The following HUS1 variants were observed in gnomAD, a reference collection of about 807,000 sequenced individuals.
The protein encoded by HUS1 is HUS1 checkpoint clamp component.
HUS1 carries 31 observed loss-of-function variants against 32.6 expected under a neutral mutation model. The ratio of observed to expected loss-of-function variants is 0.95; its 90% CI spans 0.72 to 1.28. HUS1 has a LOEUF of 1.28. HUS1 is among the 50% of genes most tolerant of loss of function. The pLI is 0.00. For missense variants in HUS1, 340 were observed against 337.7 expected (o/e 1.01, Z -0.05); for synonymous variants, 123 against 116.6 (o/e 1.06, Z -0.36).
chr7:47,971,225 GA>G (rs1788593526), intron 5 of HUS1: 3 of 230,290 alleles, frequency 1.3e-5, no homozygotes, highest in East Asian at 1.2e-4. Context: ...AGAATCTCAT[GA>G]GAACATAGCC....
intron 5 of HUS1, among the ~76,000 whole-genome samples, chr7:47,970,903 C>A (rs557342408): frequency 3.9e-5 from 6 of 152,166 alleles, no homozygotes; most frequent in Non-Finnish European, 7.3e-5. Flanking sequence ...AAATCCTATT[C>A]CTGTGAGTCC....
chr7:47,976,871 T>C lies in HUS1; in HGVS notation c.358-34A>G, dbSNP rs189041538. On this transcript the variant is annotated intron_variant, in intron 3 of 7. Transcript: ENST00000258774. Reference sequence around the variant, plus strand: ...AAAAGAATTTAAAAATATTTTTATGTTGTTAATATTAAGCAACAACAAAAC... The same window carrying C: ...AAAAGAATTTAAAAATATTTTTATGCTGTTAATATTAAGCAACAACAAAAC... 330 of 1,415,814 alleles carry C rather than the reference T, an allele frequency of 2.3e-4. 1 individual carries two copies. In the African/African-American group the frequency reaches 3.5e-3, roughly 15 times the overall value. The allele number at this position is 1,415,814 out of a possible 1,614,324, so 87.7% of individuals were successfully genotyped here. A position where few individuals can be genotyped will look rare whatever the true frequency, so the allele number is the denominator to read the frequency against.
rs1186632630 is a variant in HUS1 at position 47,965,175 on chromosome 7, A to G, written c.*181T>C. 1 of 505,504 alleles carries G rather than the reference A, an allele frequency of 2.0e-6. No individual in the cohort carries two copies. 31.3% of individuals were successfully genotyped at this position (505,504 alleles called of 1,614,324 possible). ...AAACAGACATGAGCAACATGAAGTG[A>G]TATGTTTATCCAACTGTGTGTTGTT... is the stretch of plus-strand genomic sequence containing the variant. On this transcript the variant is annotated 3_prime_UTR_variant, in exon 8 of 8. Transcript: ENST00000258774.
intron 5 of HUS1, among the ~76,000 whole-genome samples, chr7:47,974,359 T>TGGA (rs3176540): frequency 0.8 from 121,259 of 151,750 alleles, 49,024 homozygotes; most frequent in East Asian, 0.98. Context: ...CTCAGCTCCA[T>TGGA]GGAGGAGCTT....
At chr7:47,976,593 CA>C in intron 4 of HUS1, 136 bp downstream of exon 4, 1 of 675,538 alleles carries the variant, frequency 1.5e-6, no homozygotes, top group Non-Finnish European at 2.7e-6. Flanking sequence ...ATGTAAATAA[CA>C]AAAGGCAAAT....
intron 7 of HUS1, among the ~76,000 whole-genome samples, chr7:47,967,286 C>G (rs1305484141): frequency 1.3e-5 from 2 of 152,094 alleles, no homozygotes; most frequent in Non-Finnish European, 2.9e-5. Context: ...TGTGTGACCT[C>G]ACAAGATGGG....
rs187213187 is a variant in HUS1, at chr7:47,977,022, A to C, written c.358-185T>G. Among the ~76,000 whole-genome samples, 11 of 144,890 alleles carry C rather than the reference A, an allele frequency of 7.6e-5. No individual in the cohort carries two copies. In the East Asian group the frequency reaches 2.3e-3, roughly 30 times the overall value. ...AATATTTATGGAACAGACTCTGGGT[A>C]CTTCCAGGAACTGGGAAGTGTGGTG... is the stretch of plus-strand genomic sequence containing the variant. On this transcript the variant is annotated intron_variant, in intron 3 of 7. Coordinates refer to ENST00000258774, the MANE Select transcript of HUS1 (RefSeq NM_004507.4).
chr7:47,972,826 T>C (rs1486858044), intron 5 of HUS1, among the ~76,000 whole-genome samples: 1 of 152,170 alleles, frequency 6.6e-6, no homozygotes, highest in Non-Finnish European at 1.5e-5. Context: ...CTGGTTTCTA[T>C]CATTAGGTGA....
chr7:47,971,512 G>A (rs1187826402), intron 5 of HUS1: 1 of 456,676 alleles, frequency 2.2e-6, no homozygotes, highest in Non-Finnish European at 4.4e-6. Context: ...TTAATTGGAT[G>A]GAACCTAGAA....
At chr7:47,966,675 A>G (rs1181686717) in intron 7 of HUS1, among the ~76,000 whole-genome samples, 2 of 152,306 alleles carry the variant, frequency 1.3e-5, no homozygotes, top group East Asian at 1.9e-4. Flanking sequence ...GTCCCTTTAC[A>G]TGACCTTCAG....
In HUS1 at chr7:47,964,546, C is replaced by T. The variant is rs1788436351; in HGVS notation, c.*810G>A. 1 of 152,208 alleles carries T rather than the reference C, an allele frequency of 6.6e-6. No individual in the cohort carries two copies. The highest frequency in any genetic ancestry group is 2.4e-5 in the African/African-American group (1 of 41,446). The allele number at this position is 152,208 out of a possible 1,614,324, so 9.4% of individuals were successfully genotyped here. A position where few individuals can be genotyped will look rare whatever the true frequency, so the allele number is the denominator to read the frequency against. On this transcript the variant is annotated 3_prime_UTR_variant, in exon 8 of 8. Coordinates refer to ENST00000258774, the MANE Select transcript of HUS1 (RefSeq NM_004507.4). ...AAACATCAAAGAAATATGGTCTCAT[C>T]ACTTAACACAGATGATACCTTAGAA...
intron 5 of HUS1, among the ~76,000 whole-genome samples, 178 bp downstream of exon 5, chr7:47,975,435 G>A (rs1026864844): frequency 1.3e-5 from 2 of 152,122 alleles, no homozygotes; most frequent in Admixed American, 1.3e-4. Context: ...AAAAGTATTG[G>A]AATAGGTTTC....
At chr7:47,968,070 G>A (rs570635313) in intron 6 of HUS1, 145 bp from the exon 7 acceptor site, 2 of 763,854 alleles carry the variant, frequency 2.6e-6, no homozygotes, top group Admixed American at 5.9e-5. Context: ...TGTAAATGTT[G>A]TCATTCATTA....
rs545947897 is a variant in HUS1 at position 47,966,946 on chromosome 7, A to G, written c.760+860T>C. Among the ~76,000 whole-genome samples, 29 of 152,148 alleles carry G rather than the reference A, an allele frequency of 1.9e-4. No homozygotes were observed. In the South Asian group the frequency reaches 5.2e-3, roughly 27 times the overall value. ...CTGTGTGACACCTTCCCCAATTCCCAAACACCCATTGCCCCTCCCATGGTC... is the reference window on the plus strand; with the variant it reads ...CTGTGTGACACCTTCCCCAATTCCCGAACACCCATTGCCCCTCCCATGGTC... On this transcript the variant is annotated intron_variant, in intron 7 of 7. Transcript: ENST00000258774.
intron 5 of HUS1, among the ~76,000 whole-genome samples, chr7:47,971,737 C>G (rs1296821689): frequency 6.6e-6 from 1 of 152,184 alleles, no homozygotes; most frequent in Non-Finnish European, 1.5e-5. Context: ...AAAAGTGCCA[C>G]CTAGCAACTG....
Position 47,965,173 on chromosome 7 carries a change from T to C in HUS1, c.*183A>G, listed in dbSNP as rs186980160. 1.4e-3 allele frequency: 701 copies of C among 500,326 alleles called. 6 individuals carry two copies. Among genetic ancestry groups the C allele is most frequent in the Non-Finnish European group, 4.9e-4 (135 of 276,710 alleles). The allele number at this position is 500,326 out of a possible 1,614,324, so 31.0% of individuals were successfully genotyped here. A position where few individuals can be genotyped will look rare whatever the true frequency, so the allele number is the denominator to read the frequency against. On this transcript the variant is annotated 3_prime_UTR_variant, in exon 8 of 8. Transcript: ENST00000258774. ...CAAAACAGACATGAGCAACATGAAG[T>C]GATATGTTTATCCAACTGTGTGTTG...
rs148123310 is a variant in HUS1 at position 47,973,731 on chromosome 7, C to T, written c.540+1882G>A. On this transcript the variant is annotated intron_variant, in intron 5 of 7. Coordinates refer to ENST00000258774, the MANE Select transcript of HUS1 (RefSeq NM_004507.4). Reference sequence around the variant, plus strand: ...ATTCCAGATCGTAGTAGCCTCTCCACAATATTTCTATGTTTTTTTAAACTC... The same window carrying T: ...ATTCCAGATCGTAGTAGCCTCTCCATAATATTTCTATGTTTTTTTAAACTC... Among the ~76,000 whole-genome samples, 377 of 152,298 alleles carry T rather than the reference C, an allele frequency of 2.5e-3. 3 individuals are homozygous for T. The highest frequency in any genetic ancestry group is 0.014 in the Middle Eastern group (4 of 294).
At chr7:47,968,393 C>T (rs1260840030) in intron 6 of HUS1, among the ~76,000 whole-genome samples, 2 of 152,160 alleles carry the variant, frequency 1.3e-5, no homozygotes, top group East Asian at 3.8e-4. Context: ...ACAATATTAT[C>T]AAAGGCATAA....
chr7:47,975,763 T>G, intron 4 of HUS1, 76 bp from the exon 5 acceptor site: 1 of 778,534 alleles, frequency 1.3e-6, no homozygotes, highest in Non-Finnish European at 2.1e-6. Flanking sequence ...GCCCCATAAC[T>G]AACTCTAGAA....
Sources: allele counts gnomAD v4.1 joint callset (sites outside exome capture counted in the v4.1 genomes callset), GRCh38; gene constraint gnomAD v4.1.1; transcripts MANE v1.5; gene names NCBI Gene and HGNC (gene_info 2026-07-23, HGNC 2026-07-21).